The following MAP2K1 variants were observed in gnomAD, a reference collection of about 807,000 sequenced individuals.
The protein encoded by MAP2K1 is mitogen-activated protein kinase kinase 1, also known as dual specificity mitogen-activated protein kinase kinase 1.
In MAP2K1, 16 loss-of-function variants were observed where a neutral mutation model predicts 46.3. The observed-to-expected ratio is 0.35, with a 90% CI of 0.23 to 0.52. MAP2K1 has a LOEUF of 0.52. Ranked by LOEUF, MAP2K1 falls within the 20% of genes least tolerant of loss-of-function variation. The pLI is 0.94. For missense variants in MAP2K1, 263 were observed against 497.1 expected, an observed-to-expected ratio of 0.53 and a Z score of 4.48; for synonymous variants, 183 against 185.6, an observed-to-expected ratio of 0.99 and a Z score of 0.11.
chr15:66,401,048 A>AT (rs759615040), intron 1 of MAP2K1, among the ~76,000 whole-genome samples: 117 of 152,212 alleles, frequency 7.7e-4, no homozygotes, highest in Admixed American at 2.9e-3. Flanking sequence ...AGATCAGTTG[A>AT]TTTTTTCCTG....
intron 1 of MAP2K1, among the ~76,000 whole-genome samples, chr15:66,421,600 GGA>G (rs1288191933): frequency 1.3e-5 from 2 of 151,536 alleles, no homozygotes; most frequent in Non-Finnish European, 2.9e-5. Context: ...CAGGAATTGG[GGA>G]CGAGCCTAGC....
At chr15:66,389,807 C>G (rs1045635018) in intron 1 of MAP2K1, among the ~76,000 whole-genome samples, 2 of 151,862 alleles carry the variant, frequency 1.3e-5, no homozygotes, top group African/African-American at 4.8e-5. Flanking sequence ...CTCCTGACCT[C>G]GTGATCCTCC....
rs2093343591 is a variant in MAP2K1 at position 66,387,286 on chromosome 15, C to T, written c.-62C>T. ...GCGCAGCGGGCGCGGGGCAGCGCAGCGGGAGGAAGCGAGAGGTGCTGCCCT... is the reference window on the plus strand; with the variant it reads ...GCGCAGCGGGCGCGGGGCAGCGCAGTGGGAGGAAGCGAGAGGTGCTGCCCT... On this transcript the variant is annotated 5_prime_UTR_variant, in exon 1 of 11. Coordinates refer to ENST00000307102, the MANE Select transcript of MAP2K1 (RefSeq NM_002755.4). 2.9e-6 allele frequency: 4 copies of T among 1,386,150 alleles called. No individual in the cohort carries two copies. Among genetic ancestry groups the T allele is most frequent in the Non-Finnish European group, 4.0e-6 (4 of 998,488 alleles). The allele number at this position is 1,386,150 out of a possible 1,614,324, so 85.9% of individuals were successfully genotyped here.
chr15:66,415,096 G>A, intron 1 of MAP2K1: 1 of 516,186 alleles, frequency 1.9e-6, no homozygotes, highest in Admixed American at 2.0e-5. Flanking sequence ...AAATGCTCCG[G>A]TAGTGCCACT....
intron 1 of MAP2K1, among the ~76,000 whole-genome samples, chr15:66,433,002 T>TGTGTGTGTGTGTGTG (rs1567008282): frequency 9.4e-5 from 2 of 21,270 alleles, no homozygotes; most frequent in African/African-American, 9.1e-5. Context: ...GTGTGTGTGT[T>TGTGTGTGTGTGTGTG]GACAGCTTTT....
rs181849239 is a variant in MAP2K1, at chr15:66,412,051, A to G, written c.81-22976A>G. On this transcript the variant is annotated intron_variant, in intron 1 of 10. Transcript: ENST00000307102. ...GAATATAGTTTATACATTGGAGACA[A>G]ATTATTGATGGAGGCTGCAATTTTG... Among the ~76,000 whole-genome samples, 61 of 152,328 alleles carry G rather than the reference A, an allele frequency of 4.0e-4. 1 individual carries two copies. The East Asian group carries it at 4.2e-3, about 11-fold the overall frequency.
rs537507142 is a variant in MAP2K1 at position 66,400,506 on chromosome 15, C to T, written c.80+13079C>T. Reference sequence around the variant, plus strand: ...AAATGAGGCAAACCTGAGAAAAAAGCTTAGGGTTCCAGCTTTGTTTCTGTT... The same window carrying T: ...AAATGAGGCAAACCTGAGAAAAAAGTTTAGGGTTCCAGCTTTGTTTCTGTT... On this transcript the variant is annotated intron_variant, in intron 1 of 10. Transcript: ENST00000307102. Among the ~76,000 whole-genome samples the T allele has an allele frequency of 7.0e-4, 106 of 152,264 alleles. 4 individuals carry two copies. The South Asian group carries it at 0.021, about 30-fold the overall frequency.
At chr15:66,480,270 G>A (rs1371470882) in intron 5 of MAP2K1, among the ~76,000 whole-genome samples, 1 of 151,970 alleles carries the variant, frequency 6.6e-6, no homozygotes, top group Non-Finnish European at 1.5e-5. Context: ...TGTATTTTTA[G>A]TAGAGATGGG....
At chr15:66,402,320 G>A (rs1179532815) in intron 1 of MAP2K1, among the ~76,000 whole-genome samples, 7 of 152,094 alleles carry the variant, frequency 4.6e-5, no homozygotes, top group African/African-American at 1.7e-4. Flanking sequence ...CTCGGTATGA[G>A]GTGTATGTCT....
In MAP2K1 at chr15:66,420,831, G is replaced by GTATA. The variant is rs1330919375; in HGVS notation, c.81-14190_81-14187dup. On this transcript the variant is annotated intron_variant, in intron 1 of 10. Transcript: ENST00000307102. The stretch of plus-strand genomic sequence containing the variant: ...TATATATATGTGTATATATATATGT[G>GTATA]TATATATATGTGTGTATATATATGT... Among the ~76,000 whole-genome samples the GTATA allele has an allele frequency of 1.9e-5, 2 of 104,154 alleles. 1 individual carries two copies. Among genetic ancestry groups the GTATA allele is most frequent in the African/African-American group, 6.8e-5 (2 of 29,348 alleles). The allele number at this position is 104,154 out of a possible 152,430, so 68.3% of individuals were successfully genotyped here. A position where few individuals can be genotyped will look rare whatever the true frequency, so the allele number is the denominator to read the frequency against.
Position 66,463,476 on chromosome 15 carries a change from C to T in MAP2K1, c.569-18279C>T, listed in dbSNP as rs546329056. ...CAACATGTGCCCACGGTGGTCAGGG[C>T]AGGGGTTTTTTCATTAATTTTTGAA... On this transcript the variant is annotated intron_variant, in intron 5 of 10. Transcript: ENST00000307102. Among the ~76,000 whole-genome samples the T allele has an allele frequency of 3.0e-3, 436 of 144,152 alleles. 4 individuals carry two copies. Among genetic ancestry groups the T allele is most frequent in the African/African-American group, 0.011 (417 of 38,584 alleles). The allele number at this position is 144,152 out of a possible 152,430, so 94.6% of individuals were successfully genotyped here.
chr15:66,436,308 A>G (rs2093487921), intron 2 of MAP2K1, among the ~76,000 whole-genome samples: 2 of 152,216 alleles, frequency 1.3e-5, no homozygotes, highest in South Asian at 2.1e-4. Context: ...GACATAAGGT[A>G]GCACCTTAGA....
At chr15:66,418,555 C>T (rs563905215) in intron 1 of MAP2K1, among the ~76,000 whole-genome samples, 40 of 152,226 alleles carry the variant, frequency 2.6e-4, no homozygotes, top group African/African-American at 9.1e-4. Context: ...ATGTCCAGTA[C>T]GTCATCTTTC....
At position 66,459,864 on chromosome 15, in the gene MAP2K1, G is replaced by C. The variant is rs1280491137; in HGVS notation, c.568+15157G>C. Among the ~76,000 whole-genome samples, 3 of 152,126 alleles carry C rather than the reference G, an allele frequency of 2.0e-5. No individual in the cohort carries two copies. In the East Asian group the frequency reaches 5.8e-4, roughly 29 times the overall value. On this transcript the variant is annotated intron_variant, in intron 5 of 10. Coordinates refer to ENST00000307102, the MANE Select transcript of MAP2K1 (RefSeq NM_002755.4). Reference sequence around the variant, plus strand: ...GTAGCAGACTCACACGTAATGATTTGAGTGGTTTCTTCTGCAATTTTTGCA... The same window carrying C: ...GTAGCAGACTCACACGTAATGATTTCAGTGGTTTCTTCTGCAATTTTTGCA...
rs191587412 is a variant in MAP2K1 at position 66,477,848 on chromosome 15, C to T, written c.569-3907C>T. 3.3e-4 allele frequency among the ~76,000 whole-genome samples: 50 copies of T among 152,214 alleles called. 1 individual carries two copies. Among genetic ancestry groups the T allele is most frequent in the African/African-American group, 1.1e-3 (46 of 41,514 alleles). On this transcript the variant is annotated intron_variant, in intron 5 of 10. Coordinates refer to ENST00000307102, the MANE Select transcript of MAP2K1 (RefSeq NM_002755.4). ...GCCGCCCCAGCAGGCGCTGTCACAC[C>T]CCTTACCCTTCTCAGTCTCGTTCCA...
At chr15:66,435,628 G>A (rs895880143) in intron 2 of MAP2K1, among the ~76,000 whole-genome samples, 1 of 151,994 alleles carries the variant, frequency 6.6e-6, no homozygotes, top group Non-Finnish European at 1.5e-5. Flanking sequence ...GTGCCCAGCC[G>A]TGCTGTTTGA....
chr15:66,400,338 T>C (rs2093378529), intron 1 of MAP2K1, among the ~76,000 whole-genome samples: 1 of 152,152 alleles, frequency 6.6e-6, no homozygotes, highest in South Asian at 2.1e-4. Flanking sequence ...TCTCTTTTTT[T>C]CTTAACTCCC....
At chr15:66,428,851 C>T (rs566475925) in intron 1 of MAP2K1, among the ~76,000 whole-genome samples, 1 of 126,088 alleles carries the variant, frequency 7.9e-6, no homozygotes, top group African/African-American at 3.1e-5. Context: ...GCGATCTTGG[C>T]TTACTGCGAC....
chr15:66,421,091 C>T (rs978281837), intron 1 of MAP2K1, among the ~76,000 whole-genome samples: 2 of 54,764 alleles, frequency 3.7e-5, no homozygotes, highest in African/African-American at 1.3e-4. Context: ...CATACACACA[C>T]ATACACACAC....
Sources: allele counts gnomAD v4.1 joint callset (sites outside exome capture counted in the v4.1 genomes callset), GRCh38; gene constraint gnomAD v4.1.1; transcripts MANE v1.5; gene names NCBI Gene and HGNC (gene_info 2026-07-23, HGNC 2026-07-21).